GARRE1: variants seen among roughly 807,000 people sequenced by gnomAD.
GARRE1 encodes granule associated Rac and RHOG effector 1, also known as granule associated Rac and RHOG effector protein 1.
A neutral mutation model predicts 103.2 loss-of-function variants in GARRE1; 49 were observed. The observed-to-expected ratio is 0.47, with a 90% CI of 0.38 to 0.60. The LOEUF is 0.60. Ranked by LOEUF, GARRE1 falls within the 20% of genes least tolerant of loss-of-function variation. The pLI, the probability that GARRE1 is intolerant of heterozygous loss-of-function variation, is 0.00. For synonymous variants in GARRE1, 505 were observed against 532.8 expected (o/e 0.95, Z 0.72); for missense variants, 1,199 against 1,370.5 (o/e 0.87, Z 1.98).
At chr19:34,333,670 G>GTTT in intron 7 of GARRE1, 34 bp from the exon 8 acceptor site, 1 of 975,962 alleles carries the variant, frequency 1.0e-6, no homozygotes, top group Non-Finnish European at 1.5e-6. Flanking sequence ...AAAGCTGGTT[G>GTTT]TTATTTGTTT....
intron 1 of GARRE1, among the ~76,000 whole-genome samples, chr19:34,285,483 C>T (rs1400656427): frequency 1.3e-5 from 2 of 151,872 alleles, no homozygotes; most frequent in African/African-American, 2.4e-5. Flanking sequence ...ATTAATCAGG[C>T]GTGGTATCGG....
chr19:34,274,176 C>T (rs530578243), intron 1 of GARRE1, among the ~76,000 whole-genome samples: 18 of 151,996 alleles, frequency 1.2e-4, no homozygotes, highest in East Asian at 3.9e-4. Context: ...GAGGCCGCGG[C>T]GGGTGGATCA....
rs2073792086 is a variant in GARRE1, at chr19:34,272,191, A to G, written c.-796+17577A>G. On this transcript the variant is annotated intron_variant, in intron 1 of 13. Coordinates refer to ENST00000299505, the MANE Select transcript of GARRE1 (RefSeq NM_014686.5). ...CAAGCAAGGCAGTAAATATAGCAGG[A>G]GGAGTGGGAAATAGAAAGGTGACAG... 2.0e-5 allele frequency among the ~76,000 whole-genome samples: 3 copies of G among 152,116 alleles called. No homozygotes were observed. In the South Asian group the frequency reaches 6.2e-4, roughly 32 times the overall value.
At chr19:34,267,190 G>A (rs760216574) in intron 1 of GARRE1, among the ~76,000 whole-genome samples, 3 of 151,896 alleles carry the variant, frequency 2.0e-5, no homozygotes, top group Non-Finnish European at 2.9e-5. Flanking sequence ...GCCTGAGCCC[G>A]GGAGATCAAG....
At chr19:34,302,116 G>C (rs1308138160) in intron 2 of GARRE1, among the ~76,000 whole-genome samples, 1 of 147,042 alleles carries the variant, frequency 6.8e-6, no homozygotes, top group African/African-American at 2.5e-5. Context: ...TCAGCCTCCT[G>C]AGTAGCTGGG....
At chr19:34,290,898 TTTTTTTTTTTTTTTTTTTTTTTTTTTG>T (rs2073914105) in intron 1 of GARRE1, among the ~76,000 whole-genome samples, 3 of 33,544 alleles carry the variant, frequency 8.9e-5, no homozygotes, top group African/African-American at 2.3e-4. Flanking sequence ...TTTTTTTTTT[TTTTTTTTTTTTTTTTTTTTTTTTTTTG>T]AGACAGAGTC....
At chr19:34,351,481 G>A (rs1460106273) in intron 12 of GARRE1, 33 bp from the exon 13 acceptor site, 1 of 1,558,332 alleles carries the variant, frequency 6.4e-7, no homozygotes, top group Non-Finnish European at 8.9e-7. Context: ...AGGAAGCCAA[G>A]CAATCACTGC....
intron 2 of GARRE1, among the ~76,000 whole-genome samples, chr19:34,313,623 TC>T (rs760669407): frequency 6.6e-6 from 1 of 152,192 alleles, no homozygotes; most frequent in Non-Finnish European, 1.5e-5. Flanking sequence ...GTCTTTGTAA[TC>T]AGTTTATCAA....
intron 2 of GARRE1, among the ~76,000 whole-genome samples, chr19:34,317,416 G>A (rs142913247): frequency 1.9e-3 from 290 of 152,310 alleles, no homozygotes; most frequent in South Asian, 7.9e-3. Context: ...GGAGCATGGC[G>A]TCTTCCCTTT....
intron 2 of GARRE1, among the ~76,000 whole-genome samples, chr19:34,304,786 T>A (rs527581931): frequency 1.5e-4 from 22 of 151,560 alleles, no homozygotes; most frequent in Middle Eastern, 3.4e-3. Flanking sequence ...TATTTTTATT[T>A]TTTATTTATT....
chr19:34,263,582 A>AT (rs1324982999), intron 1 of GARRE1, among the ~76,000 whole-genome samples: 1 of 150,566 alleles, frequency 6.6e-6, no homozygotes, highest in East Asian at 2.0e-4. Flanking sequence ...GGTTCAAGCG[A>AT]TTCTCCTGCC....
intron 1 of GARRE1, among the ~76,000 whole-genome samples, chr19:34,266,132 A>G (rs910325584): frequency 6.6e-6 from 1 of 152,172 alleles, no homozygotes; most frequent in Non-Finnish European, 1.5e-5. Flanking sequence ...GAGCAGTGCT[A>G]TGCACTTAGG....
At chr19:34,308,939 A>C (rs144250788) in intron 2 of GARRE1, among the ~76,000 whole-genome samples, 37 of 152,288 alleles carry the variant, frequency 2.4e-4, no homozygotes, top group African/African-American at 8.2e-4. Context: ...ATTTGGGAGA[A>C]TCAGGCCTTC....
chr19:34,267,952 T>G (rs2145955576), intron 1 of GARRE1, among the ~76,000 whole-genome samples: 1 of 152,118 alleles, frequency 6.6e-6, no homozygotes. Flanking sequence ...TTTTGTATTT[T>G]TAGTAGAGAC....
chr19:34,326,414 C>G (rs532729139), intron 3 of GARRE1, among the ~76,000 whole-genome samples: 10 of 152,278 alleles, frequency 6.6e-5, no homozygotes, highest in African/African-American at 1.2e-4. Flanking sequence ...TCTAATAAAT[C>G]AAATATATAT....
intron 1 of GARRE1, among the ~76,000 whole-genome samples, chr19:34,289,462 C>T (rs2073905074): frequency 6.6e-6 from 1 of 151,186 alleles, no homozygotes; most frequent in Non-Finnish European, 1.5e-5. Flanking sequence ...CATGGTGGCT[C>T]ATGCCTGTAA....
chr19:34,302,418 G>A (rs892079817), intron 2 of GARRE1, among the ~76,000 whole-genome samples: 1 of 142,028 alleles, frequency 7.0e-6, no homozygotes, highest in African/African-American at 2.6e-5. Context: ...TCAGCCTCCC[G>A]AGTAGCTGGG....
intron 2 of GARRE1, among the ~76,000 whole-genome samples, chr19:34,304,483 C>G (rs2073998006): frequency 1.3e-5 from 2 of 149,510 alleles, no homozygotes; most frequent in South Asian, 4.2e-4. Flanking sequence ...TAAAGCGATT[C>G]TTGTGCCTCA....
Position 34,348,030 on chromosome 19 carries a change from T to C in GARRE1, c.2675T>C (p.Phe892Ser). Reference protein sequence around the residue: ...DAHRTWPFPEFFTEGDGLHGG... With the variant: ...DAHRTWPFPESFTEGDGLHGG... ...CATCGGACCTGGCCCTTCCCCGAGT[T>C]CTTCACAGAAGGGTGAGTGCTGGGT... Residue 892 changes from phenylalanine to serine, a missense_variant, in exon 11 of 14, where the codon TTC becomes TCC. Phe to Ser is a radical substitution (Grantham distance 155, BLOSUM62 -2). Coordinates refer to ENST00000299505, the MANE Select transcript of GARRE1 (RefSeq NM_014686.5). 1 of 1,490,342 alleles carries C rather than the reference T, an allele frequency of 6.7e-7. No homozygotes were observed. Among genetic ancestry groups the C allele is most frequent in the South Asian group, 1.3e-5 (1 of 75,026 alleles). The allele number at this position is 1,490,342 out of a possible 1,614,324, so 92.3% of individuals were successfully genotyped here. A position where few individuals can be genotyped will look rare whatever the true frequency, so the allele number is the denominator to read the frequency against.
Sources: gnomAD v4.1 joint callset for allele counts (sites outside exome capture counted in the v4.1 genomes callset) on GRCh38, gnomAD v4.1.1 for gene constraint, MANE v1.5 for transcripts, NCBI Gene and HGNC (gene_info 2026-07-23, HGNC 2026-07-21) for gene names.